Variants in SMPX observed in about 807,000 individuals in gnomAD.
SMPX encodes small muscular protein.
In SMPX, 2 loss-of-function variants were observed where a neutral mutation model predicts 6.3. The observed-to-expected ratio is 0.32, with a 90% CI of 0.13 to 0.99. SMPX has a LOEUF of 0.99. Among genes scored for constraint, SMPX ranks in the 50% least tolerant of loss-of-function variants. The probability of loss-of-function intolerance (pLI) is 0.49; values close to 1 mark genes in which losing one functional copy is unlikely to be tolerated. For missense variants in SMPX, 60 were observed against 66.8 expected (o/e 0.90, Z 0.36); for synonymous variants, 32 against 24.7 (o/e 1.30, Z -0.88).
intron 4 of SMPX, among the ~76,000 whole-genome samples, chrX:21,728,214 TTCTCTCTCTC>T (rs61469484): frequency 1.4e-3 from 67 of 48,330 alleles, no homozygotes; most frequent in Admixed American, 2.0e-3. Flanking sequence ...TTCCCCTCCT[TTCTCTCTCTC>T]TCTCTCTCTC....
intron 4 of SMPX, among the ~76,000 whole-genome samples, chrX:21,717,899 A>G (rs188680663): frequency 1.7e-4 from 19 of 112,586 alleles, no homozygotes; most frequent in African/African-American, 6.1e-4. Context: ...GCATGTGTAA[A>G]GGCCTAGAAT....
rs186252212 is a variant in SMPX at position 21,718,262 on chromosome X, T to C, written c.*15-11868A>G. Among the ~76,000 whole-genome samples the C allele has an allele frequency of 5.3e-5, 6 of 112,190 alleles. No individual in the cohort carries two copies. In the Admixed American group the frequency reaches 5.6e-4, roughly 11 times the overall value. On this transcript the variant is annotated intron_variant, in intron 4 of 4. Coordinates refer to ENST00000379494, the MANE Select transcript of SMPX (RefSeq NM_014332.3). ...CCTGTGTGACAGCAACAAGAATACATAGTGGATGAATGAAGTTTGCAAACC... is the reference window on the plus strand; with the variant it reads ...CCTGTGTGACAGCAACAAGAATACACAGTGGATGAATGAAGTTTGCAAACC...
chrX:21,737,634 G>T lies in SMPX; in HGVS notation c.196C>A (p.Pro66Thr). The T allele has an allele frequency of 8.3e-7, 1 of 1,205,672 alleles. No individual in the cohort carries two copies. Among genetic ancestry groups the T allele is most frequent in the Non-Finnish European group, 1.1e-6 (1 of 889,933 alleles). Reference protein sequence around the residue: ...PIPGAKKLPGPAVNLSEIQNI... With the variant: ...PIPGAKKLPGTAVNLSEIQNI... Reference sequence around the variant, plus strand: ...TGGATTTCCGATAGATTGACTGCAGGTCCTGGAAGTTTCTTCGCTCCTGGA... The same window carrying T: ...TGGATTTCCGATAGATTGACTGCAGTTCCTGGAAGTTTCTTCGCTCCTGGA... The change falls in exon 4 of 5, where the codon CCT (proline) becomes ACT (threonine). Residue 66 changes from proline (P) to threonine (T), a missense_variant. Transcript: ENST00000379494.
intron 4 of SMPX, among the ~76,000 whole-genome samples, chrX:21,709,239 A>G (rs761818251): frequency 9.9e-5 from 11 of 111,664 alleles, no homozygotes; most frequent in African/African-American, 2.9e-4. Context: ...ATTCTCCCTC[A>G]AGTATCCTAT....
At chrX:21,713,694 CAT>C (rs1251692776) in intron 4 of SMPX, among the ~76,000 whole-genome samples, 1 of 112,024 alleles carries the variant, frequency 8.9e-6, no homozygotes, top group Non-Finnish European at 1.9e-5. Flanking sequence ...TCCCATGACA[CAT>C]GTGAATTATG....
At chrX:21,720,168 C>CA (rs764315660) in intron 4 of SMPX, among the ~76,000 whole-genome samples, 2 of 112,376 alleles carry the variant, frequency 1.8e-5, no homozygotes, top group Non-Finnish European at 3.8e-5. Flanking sequence ...ACAAAAATGA[C>CA]AAAGTATGAA....
chrX:21,741,770 C>CA lies in SMPX; in HGVS notation c.132+1979dup, dbSNP rs371712860. ...CCATCTGTTGGACAATAAGTTGTTACAAAAAAAAAAGGAAGAAAGACAAAA... is the reference window on the plus strand; with the variant it reads ...CCATCTGTTGGACAATAAGTTGTTACAAAAAAAAAAAGGAAGAAAGACAAAA... On this transcript the variant is annotated intron_variant, in intron 3 of 4. Coordinates refer to ENST00000379494, the MANE Select transcript of SMPX (RefSeq NM_014332.3). 5.0e-4 allele frequency among the ~76,000 whole-genome samples: 52 copies of CA among 103,848 alleles called. No homozygotes were observed. In the Middle Eastern group the frequency reaches 0.025, roughly 50 times the overall value. 90.2% of individuals were successfully genotyped at this position (103,848 alleles called of 115,157 possible). A position where few individuals can be genotyped will look rare whatever the true frequency, so the allele number is the denominator to read the frequency against.
chrX:21,742,413 C>T (rs1272641674), intron 3 of SMPX, among the ~76,000 whole-genome samples: 1 of 112,002 alleles, frequency 8.9e-6, no homozygotes, highest in African/African-American at 3.2e-5. Flanking sequence ...CTCGCAGTGA[C>T]CCTCTGAGGA....
Position 21,743,455 on chromosome X carries a change from ACAAT to A in SMPX, c.132+291_132+294del, listed in dbSNP as rs2092818233. On this transcript the variant is annotated intron_variant, in intron 3 of 4. Transcript: ENST00000379494. ...CGCATACACACAATCAATCAATCAA[ACAAT>A]CAGTTAATCAGTCAATCAACAGACT... Among the ~76,000 whole-genome samples the A allele has an allele frequency of 3.6e-5, 4 of 111,202 alleles. No homozygotes were observed. In the South Asian group the frequency reaches 1.5e-3, roughly 43 times the overall value.
intron 4 of SMPX, 113 bp from the exon 5 acceptor site, chrX:21,706,507 T>C (rs1387154225): frequency 4.2e-6 from 1 of 237,557 alleles, no homozygotes; most frequent in Non-Finnish European, 7.7e-6. Flanking sequence ...TGTTTTGATA[T>C]ATGCATACAT....
chrX:21,707,085 C>T (rs1008733634), intron 4 of SMPX, among the ~76,000 whole-genome samples: 1 of 108,423 alleles, frequency 9.2e-6, no homozygotes, highest in Admixed American at 1.0e-4. Context: ...TAACCATCAT[C>T]GCCCCATCCA....
intron 4 of SMPX, among the ~76,000 whole-genome samples, chrX:21,714,946 TTTG>T (rs1435790685): frequency 1.8e-5 from 2 of 112,099 alleles, no homozygotes; most frequent in South Asian, 7.4e-4. Flanking sequence ...TTAATGTTTG[TTTG>T]TTTGTTTTTT....
chrX:21,746,758 G>A lies in SMPX; in HGVS notation c.46-2922C>T, dbSNP rs192561665. On this transcript the variant is annotated intron_variant, in intron 2 of 4. Coordinates refer to ENST00000379494, the MANE Select transcript of SMPX (RefSeq NM_014332.3). ...GCACCAATAAGGGAGTATAAGAGGCGTGCTTTGTCAGTTGTGGCATGCATT... is the reference window on the plus strand; with the variant it reads ...GCACCAATAAGGGAGTATAAGAGGCATGCTTTGTCAGTTGTGGCATGCATT... 1.6e-4 allele frequency among the ~76,000 whole-genome samples: 17 copies of A among 108,600 alleles called. No homozygotes were observed. The East Asian group carries it at 3.7e-3, about 24-fold the overall frequency. 94.3% of individuals were successfully genotyped at this position (108,600 alleles called of 115,157 possible).
Position 21,745,916 on chromosome X carries a change from G to A in SMPX, c.46-2080C>T, listed in dbSNP as rs1302932032. ...ATCCAGAATAATATAATATTGTGAA[G>A]GGCATGTTACAAGATGACTACTTTT... On this transcript the variant is annotated intron_variant, in intron 2 of 4. Transcript: ENST00000379494. Among the ~76,000 whole-genome samples the A allele has an allele frequency of 7.3e-4, 82 of 111,822 alleles. 5 individuals carry two copies. The highest frequency in any genetic ancestry group is 1.9e-5 in the Non-Finnish European group (1 of 53,116).
At chrX:21,715,734 C>T (rs1045730923) in intron 4 of SMPX, among the ~76,000 whole-genome samples, 13 of 110,399 alleles carry the variant, frequency 1.2e-4, no homozygotes, top group African/African-American at 3.6e-4. Flanking sequence ...GATTTTTGCC[C>T]CCCACCCCGT....
At chrX:21,739,738 T>A (rs2092814191) in intron 3 of SMPX, among the ~76,000 whole-genome samples, 1 of 112,363 alleles carries the variant, frequency 8.9e-6, no homozygotes, top group South Asian at 3.7e-4. Flanking sequence ...GTTTCCTCAC[T>A]TATAAATGTT....
chrX:21,720,268 G>A (rs1453482282), intron 4 of SMPX, among the ~76,000 whole-genome samples: 1 of 112,305 alleles, frequency 8.9e-6, no homozygotes, highest in African/African-American at 3.2e-5. Flanking sequence ...GCCATGTTGT[G>A]AGGGCATTCA....
intron 4 of SMPX, among the ~76,000 whole-genome samples, chrX:21,712,374 C>T (rs901903739): frequency 5.4e-5 from 6 of 111,905 alleles, no homozygotes; most frequent in Admixed American, 9.5e-5. Flanking sequence ...ATTAAAGTAG[C>T]GTTAAGTGCA....
intron 4 of SMPX, among the ~76,000 whole-genome samples, chrX:21,726,315 C>A (rs1311430145): frequency 8.9e-6 from 1 of 112,127 alleles, no homozygotes; most frequent in Admixed American, 9.5e-5. Flanking sequence ...AACTCAGATT[C>A]CCAACCCTTC....
Sources: allele counts gnomAD v4.1 joint callset (sites outside exome capture counted in the v4.1 genomes callset), GRCh38; gene constraint gnomAD v4.1.1; transcripts MANE v1.5; gene names NCBI Gene and HGNC (gene_info 2026-07-23, HGNC 2026-07-21).